The following CORO2B variants were observed in gnomAD, a reference collection of about 807,000 sequenced individuals.
CORO2B encodes the protein coronin-2B.
A neutral mutation model predicts 58.8 loss-of-function variants in CORO2B; 26 were observed. The ratio of observed to expected loss-of-function variants is 0.44; its 90% CI spans 0.32 to 0.61. The LOEUF is 0.61. CORO2B is among the 20% of genes least tolerant of loss of function. CORO2B has a pLI of 0.04. For missense variants in CORO2B, 460 were observed against 645.1 expected (o/e 0.71, Z 3.11); for synonymous variants, 242 against 253.8 (o/e 0.95, Z 0.44).
At chr15:68,698,111 TGCC>T (rs1892557226) in intron 3 of CORO2B, among the ~76,000 whole-genome samples, 1 of 152,162 alleles carries the variant, frequency 6.6e-6, no homozygotes, top group Non-Finnish European at 1.5e-5. Context: ...AGACAGGCAC[TGCC>T]ACCCCCAAAC....
At chr15:68,649,701 T>C (rs952192600) in intron 2 of CORO2B, among the ~76,000 whole-genome samples, 3 of 152,220 alleles carry the variant, frequency 2.0e-5, no homozygotes, top group African/African-American at 7.2e-5. Context: ...TTTCATGTTC[T>C]CCTGAAAAAC....
chr15:68,582,783 G>C (rs913213016), intron 1 of CORO2B, among the ~76,000 whole-genome samples: 2 of 152,198 alleles, frequency 1.3e-5, no homozygotes, highest in African/African-American at 2.4e-5. Context: ...TGACCCAGAG[G>C]TGGGTCTTCC....
rs147626181 is a variant in CORO2B, at chr15:68,592,624, A to G, written c.15+13347A>G. Among the ~76,000 whole-genome samples the G allele has an allele frequency of 7.6e-3, 1,157 of 152,362 alleles. 20 individuals are homozygous for G. The highest frequency in any genetic ancestry group is 0.026 in the African/African-American group (1,088 of 41,592). On this transcript the variant is annotated intron_variant, in intron 1 of 11. Transcript: ENST00000261861. Reference sequence around the variant, plus strand: ...AAGATTCTTCCCAGCTTTCTGGTTCAAGTCCCACCTCTCTGCATCTATTCA... The same window carrying G: ...AAGATTCTTCCCAGCTTTCTGGTTCGAGTCCCACCTCTCTGCATCTATTCA...
intron 1 of CORO2B, among the ~76,000 whole-genome samples, chr15:68,580,001 A>G (rs1018815506): frequency 7.2e-5 from 11 of 152,194 alleles, no homozygotes; most frequent in African/African-American, 2.4e-5. Context: ...AAGAGGAAAG[A>G]TGATGGGGCA....
At chr15:68,630,502 A>G (rs1365231975) in intron 1 of CORO2B, among the ~76,000 whole-genome samples, 1 of 151,894 alleles carries the variant, frequency 6.6e-6, no homozygotes, top group South Asian at 2.1e-4. Flanking sequence ...TTAAAATAGC[A>G]AAGTTCTTTG....
intron 1 of CORO2B, among the ~76,000 whole-genome samples, chr15:68,600,493 G>T (rs961801201): frequency 6.6e-6 from 1 of 152,164 alleles, no homozygotes; most frequent in African/African-American, 2.4e-5. Context: ...CCTAGACCTG[G>T]GTACCTGTAG....
At chr15:68,666,586 A>G (rs1402256216) in intron 2 of CORO2B, among the ~76,000 whole-genome samples, 1 of 152,174 alleles carries the variant, frequency 6.6e-6, no homozygotes, top group Non-Finnish European at 1.5e-5. Flanking sequence ...ACAAAGAAAG[A>G]GAAGTGGCCT....
chr15:68,607,817 CAAA>C (rs34353055), intron 1 of CORO2B, among the ~76,000 whole-genome samples: 18 of 106,172 alleles, frequency 1.7e-4, no homozygotes, highest in African/African-American at 1.6e-4. Flanking sequence ...GACCCTATCT[CAAA>C]AAAAAAAAAA....
At chr15:68,707,117 C>T (rs114052786) in intron 3 of CORO2B, among the ~76,000 whole-genome samples, 3,695 of 152,206 alleles carry the variant, frequency 0.024, 153 homozygotes, top group African/African-American at 0.084. Context: ...CGCGCCACCA[C>T]GCCCAGCTGC....
chr15:68,522,685 T>C, the CORO2B span, among the ~76,000 whole-genome samples: 12 of 152,328 alleles, frequency 7.9e-5, no homozygotes, highest in East Asian at 2.3e-3. Flanking sequence ...TTATATTCCT[T>C]TTCAGTTTTG....
the CORO2B span, among the ~76,000 whole-genome samples, chr15:68,548,737 A>C: frequency 6.6e-6 from 1 of 152,256 alleles, no homozygotes; most frequent in Non-Finnish European, 1.5e-5. Context: ...CAATACTTTC[A>C]GACTTTTCCA....
intron 11 of CORO2B, among the ~76,000 whole-genome samples, chr15:68,725,031 C>T (rs747417957): frequency 1.3e-5 from 2 of 152,156 alleles, no homozygotes; most frequent in Non-Finnish European, 2.9e-5. Context: ...TATCCTGAGC[C>T]TCCTTAAGAA....
chr15:68,698,719 C>T (rs563704624), intron 3 of CORO2B, among the ~76,000 whole-genome samples: 79 of 152,218 alleles, frequency 5.2e-4, no homozygotes, highest in African/African-American at 1.6e-3. Context: ...CGGTTTTGCT[C>T]GTCTCTGAAA....
chr15:68,526,103 T>C, the CORO2B span, among the ~76,000 whole-genome samples: 2 of 152,358 alleles, frequency 1.3e-5, no homozygotes, highest in South Asian at 2.1e-4. Context: ...GTATCAATAG[T>C]CATTTTTTAT....
intron 1 of CORO2B, among the ~76,000 whole-genome samples, chr15:68,629,152 C>T (rs1319752013): frequency 6.6e-6 from 1 of 152,330 alleles, no homozygotes; most frequent in Non-Finnish European, 1.5e-5. Context: ...GTTGTTGCCC[C>T]CTCAGTGGGG....
intron 1 of CORO2B, among the ~76,000 whole-genome samples, chr15:68,644,405 A>G (rs904942999): frequency 2.4e-4 from 37 of 152,188 alleles, no homozygotes; most frequent in Non-Finnish European, 5.4e-4. Context: ...AGACTTCCCC[A>G]ACCCCAGATG....
chr15:68,579,249 C>A lies in CORO2B; in HGVS notation c.-14C>A. On this transcript the variant is annotated 5_prime_UTR_variant, in exon 1 of 12. Transcript: ENST00000261861. ...CGCCGCGCCCGCGCCCCCGCTCCGC[C>A]GCGGAGTTTCTGCATGACTGTCACA... 7.4e-6 allele frequency: 9 copies of A among 1,211,430 alleles called. No homozygotes were observed. The highest frequency in any genetic ancestry group is 8.2e-6 in the Non-Finnish European group (8 of 970,112). The allele number at this position is 1,211,430 out of a possible 1,614,324, so 75.0% of individuals were successfully genotyped here. A position where few individuals can be genotyped will look rare whatever the true frequency, so the allele number is the denominator to read the frequency against.
chr15:68,672,774 G>A (rs1902445337), intron 2 of CORO2B, among the ~76,000 whole-genome samples: 1 of 152,108 alleles, frequency 6.6e-6, no homozygotes, highest in Non-Finnish European at 1.5e-5. Context: ...CAGCAAACCA[G>A]GCCCCTTAGG....
chr15:68,608,819 A>C (rs1307066157), intron 1 of CORO2B, among the ~76,000 whole-genome samples: 1 of 151,824 alleles, frequency 6.6e-6, no homozygotes, highest in Non-Finnish European at 1.5e-5. Flanking sequence ...CCAGGAGGGG[A>C]GTTGAAATTC....
Sources: gnomAD v4.1 joint callset for allele counts (sites outside exome capture counted in the v4.1 genomes callset) on GRCh38, gnomAD v4.1.1 for gene constraint, MANE v1.5 for transcripts, NCBI Gene and HGNC (gene_info 2026-07-23, HGNC 2026-07-21) for gene names.